CCL18: variants seen among roughly 807,000 people sequenced by gnomAD.
CCL18 encodes C-C motif chemokine 18.
In CCL18, 7 loss-of-function variants were observed where a neutral mutation model predicts 8.0. The observed-to-expected ratio is 0.87, with a 90% confidence interval of 0.50 to 1.64. CCL18 has a LOEUF of 1.64. CCL18 is among the 40% of genes most tolerant of loss of function. CCL18 has a pLI of 0.00. For synonymous variants in CCL18, 35 were observed against 41.3 expected, an observed-to-expected ratio of 0.85 and a Z score of 0.59; for missense variants, 95 against 107.8, an observed-to-expected ratio of 0.88 and a Z score of 0.52.
Position 36,071,055 on chromosome 17 carries a change from T to C in CCL18, c.*14T>C, listed in dbSNP as rs1175088162. ...CTGAATGCCTGAGGGGCCTGGAAGC[T>C]GCGAGGGCCCAGTGAACTTGGTGGG... On this transcript the variant is annotated 3_prime_UTR_variant, in exon 3 of 3. Transcript: ENST00000616054. The C allele has an allele frequency of 1.3e-6, 2 of 1,595,000 alleles. No individual in the cohort carries two copies. Among genetic ancestry groups the C allele is most frequent in the Non-Finnish European group, 1.7e-6 (2 of 1,163,084 alleles).
At chr17:36,067,594 G>A (rs2066844101) in intron 1 of CCL18, among the ~76,000 whole-genome samples, 1 of 152,132 alleles carries the variant, frequency 6.6e-6, no homozygotes, top group Non-Finnish European at 1.5e-5. Flanking sequence ...GGCTGAGGTA[G>A]GAGAATCGCT....
At chr17:36,068,166 C>T (rs2066847158) in intron 1 of CCL18, among the ~76,000 whole-genome samples, 2 of 152,056 alleles carry the variant, frequency 1.3e-5, no homozygotes, top group African/African-American at 2.4e-5. Flanking sequence ...TGATGCATGG[C>T]TGTATAAATA....
chr17:36,067,186 A>G (rs2066841993), intron 1 of CCL18, among the ~76,000 whole-genome samples: 1 of 152,188 alleles, frequency 6.6e-6, no homozygotes, highest in Non-Finnish European at 1.5e-5. Flanking sequence ...TTGAACATTC[A>G]TAGCTCCCTA....
At chr17:36,066,685 A>G (rs1473742863) in intron 1 of CCL18, among the ~76,000 whole-genome samples, 1 of 152,236 alleles carries the variant, frequency 6.6e-6, no homozygotes, top group African/African-American at 2.4e-5. Context: ...CATACGTACA[A>G]GGAGAGATCT....
intron 1 of CCL18, among the ~76,000 whole-genome samples, chr17:36,065,072 C>G (rs1335609302): frequency 6.6e-6 from 1 of 152,140 alleles, no homozygotes; most frequent in Non-Finnish European, 1.5e-5. Context: ...AGATTCACAC[C>G]CCATGCATCT....
At chr17:36,065,356 T>G (rs933240791) in intron 1 of CCL18, among the ~76,000 whole-genome samples, 1 of 152,180 alleles carries the variant, frequency 6.6e-6, no homozygotes, top group Non-Finnish European at 1.5e-5. Flanking sequence ...GAAGTCTCCA[T>G]TTTTTGCTTG....
rs750696839 is a variant in CCL18, at chr17:36,071,058, G to A, written c.*17G>A. ...AATGCCTGAGGGGCCTGGAAGCTGC[G>A]AGGGCCCAGTGAACTTGGTGGGCCC... On this transcript the variant is annotated 3_prime_UTR_variant, in exon 3 of 3. Coordinates refer to ENST00000616054, the MANE Select transcript of CCL18 (RefSeq NM_002988.4). 24 of 1,588,114 alleles carry A rather than the reference G, an allele frequency of 1.5e-5. No individual in the cohort carries two copies. Among genetic ancestry groups the A allele is most frequent in the South Asian group, 3.3e-5 (3 of 90,376 alleles).
intron 1 of CCL18, among the ~76,000 whole-genome samples, chr17:36,065,126 G>A (rs1202051545): frequency 2.0e-5 from 3 of 152,026 alleles, no homozygotes; most frequent in Non-Finnish European, 1.5e-5. Context: ...GCAAATTTTC[G>A]GTTGCCTATT....
chr17:36,070,965 G>A lies in CCL18; in HGVS notation c.194G>A (p.Arg65Lys), dbSNP rs751647990. The A allele has an allele frequency of 3.1e-6, 5 of 1,613,708 alleles. No homozygotes were observed. The highest frequency in any genetic ancestry group is 4.5e-5 in the East Asian group (2 of 44,876). The change falls in exon 3 of 3, where the codon AGA (arginine) becomes AAA (lysine). Residue 65 changes from arginine (R) to lysine (K), a missense_variant. Transcript: ENST00000616054. Reference sequence around the variant, plus strand: ...CTTCTCCACAGCCTCCTAACCAAGAGAGGCCGGCAGATCTGTGCTGACCCC... The same window carrying A: ...CTTCTCCACAGCCTCCTAACCAAGAAAGGCCGGCAGATCTGTGCTGACCCC... The part of the protein sequence containing the change: ...PKPGVILLTK[R>K]GRQICADPNK...
rs907348092 is a variant in CCL18 at position 36,064,282 on chromosome 17, C to A, written c.-61C>A. 7.8e-7 allele frequency: 1 copy of A among 1,280,952 alleles called. No individual in the cohort carries two copies. The highest frequency in any genetic ancestry group is 1.1e-6 in the Non-Finnish European group (1 of 875,686). 79.3% of individuals were successfully genotyped at this position (1,280,952 alleles called of 1,614,324 possible). Reference sequence around the variant, plus strand: ...AACAGCTCATACCCCAGAAGGAGGCCAGGAGTTGTGAGTTTCCAAGCCCCA... The same window carrying A: ...AACAGCTCATACCCCAGAAGGAGGCAAGGAGTTGTGAGTTTCCAAGCCCCA... On this transcript the variant is annotated 5_prime_UTR_variant, in exon 1 of 3. Transcript: ENST00000616054.
chr17:36,071,023 C>A lies in CCL18; in HGVS notation c.252C>A (p.Asp84Glu). The A allele has an allele frequency of 1.2e-6, 2 of 1,613,540 alleles. No homozygotes were observed. Among genetic ancestry groups the A allele is most frequent in the East Asian group, 2.2e-5 (1 of 44,884 alleles). Residue 84 changes from aspartate (D) to glutamate (E), a missense_variant, in exon 3 of 3, where the codon GAC becomes GAA. Transcript: ENST00000616054. ...AGTGGGTCCAGAAATACATCAGCGA[C>A]CTGAAGCTGAATGCCTGAGGGGCCT... Reference protein sequence around the residue: ...NKKWVQKYISDLKLNA With the variant: ...NKKWVQKYISELKLNA
intron 1 of CCL18, 22 bp from the exon 2 acceptor site, chr17:36,070,425 C>T (rs1266839590): frequency 1.4e-6 from 2 of 1,448,100 alleles, no homozygotes; most frequent in African/African-American, 2.8e-5. Flanking sequence ...GACTTGGGAT[C>T]TTTCTGTCCT....
chr17:36,071,784 T>C lies in CCL18; in HGVS notation c.*743T>C, dbSNP rs559657331. 5 of 152,366 alleles carry C rather than the reference T, an allele frequency of 3.3e-5. No homozygotes were observed. Among genetic ancestry groups the C allele is most frequent in the African/African-American group, 7.2e-5 (3 of 41,586 alleles). 9.4% of individuals were successfully genotyped at this position (152,366 alleles called of 1,614,324 possible). Reference sequence around the variant, plus strand: ...TTCATAAATGAAGCTTTCCTCAGAATGATGGCTAACATCTGTTGAGGTCTT... The same window carrying C: ...TTCATAAATGAAGCTTTCCTCAGAACGATGGCTAACATCTGTTGAGGTCTT... On this transcript the variant is annotated 3_prime_UTR_variant, in exon 3 of 3. Coordinates refer to ENST00000616054, the MANE Select transcript of CCL18 (RefSeq NM_002988.4).
At chr17:36,067,094 T>C (rs780851138) in intron 1 of CCL18, among the ~76,000 whole-genome samples, 1 of 152,122 alleles carries the variant, frequency 6.6e-6, no homozygotes, top group Non-Finnish European at 1.5e-5. Flanking sequence ...CAGACCCAAA[T>C]GGACAGAATG....
chr17:36,069,108 G>A (rs2066852220), intron 1 of CCL18, among the ~76,000 whole-genome samples: 1 of 152,126 alleles, frequency 6.6e-6, no homozygotes, highest in Admixed American at 6.5e-5. Context: ...TCCCACCTTG[G>A]CCTCTCCAAA....
chr17:36,065,408 T>G (rs2066831762), intron 1 of CCL18, among the ~76,000 whole-genome samples: 1 of 152,216 alleles, frequency 6.6e-6, no homozygotes. Flanking sequence ...ACCTTCACAC[T>G]GGATATGAAA....
intron 1 of CCL18, among the ~76,000 whole-genome samples, chr17:36,069,869 G>A (rs1236664947): frequency 6.6e-6 from 1 of 152,198 alleles, no homozygotes; most frequent in Non-Finnish European, 1.5e-5. Flanking sequence ...TGCCCCTACT[G>A]TCTGGCCATG....
At chr17:36,066,289 G>A (rs1598791203) in intron 1 of CCL18, among the ~76,000 whole-genome samples, 1 of 152,188 alleles carries the variant, frequency 6.6e-6, no homozygotes, top group African/African-American at 2.4e-5. Flanking sequence ...AGAGTCTCAC[G>A]GGACAGATGA....
At position 36,070,801 on chromosome 17, in the gene CCL18, T is replaced by C. The variant is rs1285653441; in HGVS notation, c.180-150T>C. On this transcript the variant is annotated intron_variant, in intron 2 of 2. Transcript: ENST00000616054. ...TCCTGAGGAACCCCATCTGAGACAT[T>C]TGGGGAAGGCCTGTGAACCCCGAAG... is the stretch of plus-strand genomic sequence containing the variant. 4 of 700,712 alleles carry C rather than the reference T, an allele frequency of 5.7e-6. No individual in the cohort carries two copies. The African/African-American group carries it at 7.1e-5, about 12-fold the overall frequency. The allele number at this position is 700,712 out of a possible 1,614,324, so 43.4% of individuals were successfully genotyped here. A position where few individuals can be genotyped will look rare whatever the true frequency, so the allele number is the denominator to read the frequency against.
Sources: allele counts gnomAD v4.1 joint callset (sites outside exome capture counted in the v4.1 genomes callset), GRCh38; gene constraint gnomAD v4.1.1; transcripts MANE v1.5; gene names NCBI Gene and HGNC (gene_info 2026-07-23, HGNC 2026-07-21).